Variants in GRB2 observed in about 807,000 individuals in gnomAD.
The protein encoded by GRB2 is growth factor receptor bound protein 2, also known as growth factor receptor-bound protein 2.
In GRB2, 2 loss-of-function variants were observed where a neutral mutation model predicts 27.4. That is an observed-to-expected ratio of 0.07 (90% CI 0.03 to 0.23). The LOEUF (loss-of-function observed/expected upper bound fraction) is 0.23, where lower values mean the gene tolerates loss of function less well. GRB2 is among the 10% of genes least tolerant of loss of function. The pLI, the probability that GRB2 is intolerant of heterozygous loss-of-function variation, is 1.00. For synonymous variants in GRB2, 94 were observed against 99.6 expected, an observed-to-expected ratio of 0.94 and a Z score of 0.33; for missense variants, 102 against 282.4, an observed-to-expected ratio of 0.36 and a Z score of 4.58.
intron 2 of GRB2, among the ~76,000 whole-genome samples, chr17:75,353,618 G>T (rs1354737901): frequency 1.3e-5 from 2 of 152,038 alleles, no homozygotes; most frequent in Non-Finnish European, 2.9e-5. Flanking sequence ...AAATTCGCCA[G>T]GTGTGGTGGC....
At chr17:75,366,189 C>T (rs1012249536) in intron 2 of GRB2, among the ~76,000 whole-genome samples, 2 of 152,238 alleles carry the variant, frequency 1.3e-5, no homozygotes, top group African/African-American at 4.8e-5. Flanking sequence ...CATGGAGATG[C>T]TGAGCTTCAG....
At chr17:75,351,392 G>C (rs1009461093) in intron 2 of GRB2, among the ~76,000 whole-genome samples, 6 of 152,112 alleles carry the variant, frequency 3.9e-5, no homozygotes, top group Non-Finnish European at 7.4e-5. Flanking sequence ...GCTGACACCT[G>C]TAATCTAGCA....
chr17:75,382,052 G>A (rs1007133072), intron 2 of GRB2, among the ~76,000 whole-genome samples: 1 of 151,868 alleles, frequency 6.6e-6, no homozygotes, highest in Non-Finnish European at 1.5e-5. Flanking sequence ...GTGAAACCTC[G>A]TCTCTACTAA....
intron 2 of GRB2, among the ~76,000 whole-genome samples, chr17:75,344,929 T>C (rs998942673): frequency 1.3e-5 from 2 of 151,600 alleles, no homozygotes; most frequent in African/African-American, 2.4e-5. Flanking sequence ...TGTGTGTCAG[T>C]TCCACCCTCT....
At chr17:75,323,802 T>G (rs2078476998) in intron 4 of GRB2, among the ~76,000 whole-genome samples, 1 of 150,116 alleles carries the variant, frequency 6.7e-6, no homozygotes, top group South Asian at 2.1e-4. Flanking sequence ...CATGTTTTTC[T>G]TTTCTTTTTT....
At chr17:75,343,988 C>A (rs778750219) in intron 2 of GRB2, among the ~76,000 whole-genome samples, 2 of 152,276 alleles carry the variant, frequency 1.3e-5, no homozygotes, top group Non-Finnish European at 2.9e-5. Flanking sequence ...AAAATGGATA[C>A]CCTTCCCAAG....
intron 2 of GRB2, among the ~76,000 whole-genome samples, chr17:75,381,627 A>AGG (rs2078928539): frequency 6.7e-6 from 1 of 149,908 alleles, no homozygotes; most frequent in African/African-American, 2.5e-5. Context: ...AGGCTGAGGC[A>AGG]GGAGAATTGC....
At chr17:75,358,042 C>T (rs1417764322) in intron 2 of GRB2, among the ~76,000 whole-genome samples, 1 of 152,148 alleles carries the variant, frequency 6.6e-6, no homozygotes, top group East Asian at 1.9e-4. Flanking sequence ...AGGTTGCAGA[C>T]GACATGCATG....
intron 2 of GRB2, among the ~76,000 whole-genome samples, chr17:75,348,044 C>T (rs1195560059): frequency 2.0e-5 from 3 of 152,184 alleles, no homozygotes. Context: ...CTGTTAACCG[C>T]TTTTTCAAAA....
intron 2 of GRB2, among the ~76,000 whole-genome samples, chr17:75,339,474 A>AAT (rs141596362): frequency 3.4e-4 from 51 of 150,354 alleles, no homozygotes; most frequent in East Asian, 1.2e-3. Context: ...TTTACTTCAA[A>AAT]ATATATATAT....
intron 2 of GRB2, among the ~76,000 whole-genome samples, chr17:75,379,457 G>A (rs1349461863): frequency 6.7e-6 from 1 of 149,716 alleles, no homozygotes; most frequent in East Asian, 1.9e-4. Flanking sequence ...GGAGTACAGT[G>A]GGGCAAACAT....
chr17:75,353,045 C>T (rs1438483797), intron 2 of GRB2, among the ~76,000 whole-genome samples: 1 of 151,738 alleles, frequency 6.6e-6, no homozygotes, highest in South Asian at 2.1e-4. Flanking sequence ...ATTAGCTGGG[C>T]GTGCTGGCGG....
chr17:75,378,302 A>G (rs1175038121), intron 2 of GRB2, among the ~76,000 whole-genome samples: 2 of 152,114 alleles, frequency 1.3e-5, no homozygotes, highest in Non-Finnish European at 2.9e-5. Context: ...AGGCAGGAGA[A>G]TCACAGGAGG....
At chr17:75,354,809 A>G (rs974426653) in intron 2 of GRB2, among the ~76,000 whole-genome samples, 2 of 152,252 alleles carry the variant, frequency 1.3e-5, no homozygotes, top group African/African-American at 4.8e-5. Context: ...TTAACTTCTC[A>G]TAGCTGATGA....
chr17:75,405,241 G>A (rs1829006610), intron 1 of GRB2: 1 of 152,348 alleles, frequency 6.6e-6, no homozygotes, highest in Non-Finnish European at 1.5e-5. Context: ...GACCTCGCCA[G>A]AGAACCCCGA....
At chr17:75,372,492 T>C (rs1304423629) in intron 2 of GRB2, 1 of 151,978 alleles carries the variant, frequency 6.6e-6, no homozygotes, top group Non-Finnish European at 1.5e-5. Context: ...TCACCAAGAG[T>C]TTACAATGTG....
At chr17:75,343,700 C>A (rs983758207) in intron 2 of GRB2, among the ~76,000 whole-genome samples, 1 of 152,058 alleles carries the variant, frequency 6.6e-6, no homozygotes, top group Admixed American at 6.6e-5. Flanking sequence ...CCAAAATAAA[C>A]TTCTACCAAA....
intron 2 of GRB2, among the ~76,000 whole-genome samples, chr17:75,361,289 C>T (rs898360906): frequency 6.6e-6 from 1 of 152,092 alleles, no homozygotes; most frequent in Non-Finnish European, 1.5e-5. Flanking sequence ...ATTTTGCGAA[C>T]CTGTCTTAAA....
intron 2 of GRB2, among the ~76,000 whole-genome samples, chr17:75,384,241 A>C (rs1207613088): frequency 6.6e-6 from 1 of 152,228 alleles, no homozygotes; most frequent in Non-Finnish European, 1.5e-5. Context: ...AAGATTTAAA[A>C]TCAGGTTAAA....
Sources: gnomAD v4.1 joint callset for allele counts (sites outside exome capture counted in the v4.1 genomes callset) on GRCh38, gnomAD v4.1.1 for gene constraint, MANE v1.5 for transcripts, NCBI Gene and HGNC (gene_info 2026-07-23, HGNC 2026-07-21) for gene names.